The following TBC1D8 variants were observed in gnomAD, a reference collection of about 807,000 sequenced individuals.
TBC1D8 encodes TBC1 domain family member 8, also known as BUB2-like protein 1.
A neutral mutation model predicts 118.8 loss-of-function variants in TBC1D8; 65 were observed. The observed-to-expected ratio is 0.55, with a 90% confidence interval of 0.45 to 0.67. The LOEUF is 0.67. Among genes scored for constraint, TBC1D8 ranks in the 30% least tolerant of loss-of-function variants. The pLI is 0.00. For synonymous variants in TBC1D8, 566 were observed against 595.8 expected (o/e 0.95, Z 0.73); for missense variants, 1,376 against 1,471.2 (o/e 0.94, Z 1.06).
intron 2 of TBC1D8, among the ~76,000 whole-genome samples, chr2:101,087,321 C>T (rs1373325246): frequency 6.6e-6 from 1 of 151,830 alleles, no homozygotes; most frequent in Non-Finnish European, 1.5e-5. Context: ...AAACAGGAGT[C>T]CAGCCAAATA....
chr2:101,079,243 T>C (rs1425615436), intron 2 of TBC1D8, among the ~76,000 whole-genome samples: 1 of 152,216 alleles, frequency 6.6e-6, no homozygotes, highest in Non-Finnish European at 1.5e-5. Flanking sequence ...ACTAGACGCC[T>C]GCTAAGGTCC....
intron 17 of TBC1D8, among the ~76,000 whole-genome samples, chr2:101,021,315 G>A (rs1163074561): frequency 6.6e-6 from 1 of 152,176 alleles, no homozygotes; most frequent in Non-Finnish European, 1.5e-5. Flanking sequence ...ACATGAAATG[G>A]TTCTTCAGAT....
Position 101,075,280 on chromosome 2 carries a change from C to G in TBC1D8, c.283+14929G>C, listed in dbSNP as rs551172344. Among the ~76,000 whole-genome samples the G allele has an allele frequency of 6.7e-4, 102 of 151,904 alleles. No homozygotes were observed. In the Middle Eastern group the frequency reaches 0.01, roughly 15 times the overall value. ...AGGCGTGGTGGCACGCACCTGTAGT[C>G]CTAGCTACTGGGGAGGCTGAGACAC... On this transcript the variant is annotated intron_variant, in intron 2 of 19. Transcript: ENST00000409318.
At chr2:101,085,053 G>A (rs1333368159) in intron 2 of TBC1D8, among the ~76,000 whole-genome samples, 6 of 151,710 alleles carry the variant, frequency 4.0e-5, no homozygotes, top group East Asian at 1.9e-4. Context: ...GGGTTTCACC[G>A]TGTTAGCCAG....
rs548468868 is a variant in TBC1D8, at chr2:101,050,533, G to A, written c.740C>T (p.Ser247Phe). 2 of 1,613,982 alleles carry A rather than the reference G, an allele frequency of 1.2e-6. No individual in the cohort carries two copies. The highest frequency in any genetic ancestry group is 1.7e-5 in the Admixed American group (1 of 60,020). Residue 247 changes from serine (S) to phenylalanine (F), a missense_variant, in exon 5 of 20, where the codon TCC (serine) becomes TTC (phenylalanine). Physicochemically the swap from Ser to Phe is radical, Grantham distance 155. Transcript: ENST00000409318. The part of the protein sequence containing the change: ...ITTQNKERDF[S>F]MFLNLDEVFK... ...CACCTCATCCAGGTTCAGGAACATG[G>A]AGAAGTCACGCTCCTTATTCTGCGT... is the stretch of plus-strand genomic sequence containing the variant.
intron 4 of TBC1D8, 82 bp from the exon 5 acceptor site, chr2:101,050,723 G>A: frequency 6.5e-7 from 1 of 1,543,820 alleles, no homozygotes; most frequent in Non-Finnish European, 8.8e-7. Flanking sequence ...ACTATCCAAA[G>A]CTCTCCTTAG....
intron 17 of TBC1D8, among the ~76,000 whole-genome samples, chr2:101,021,437 G>A (rs1680022959): frequency 6.6e-6 from 1 of 152,140 alleles, no homozygotes; most frequent in Non-Finnish European, 1.5e-5. Context: ...AACCAGGGTG[G>A]GGGCCCAGGA....
In TBC1D8 at chr2:101,029,736, C is replaced by G; in HGVS notation, c.1977G>C (p.Lys659Asn). 1 of 1,613,980 alleles carries G rather than the reference C, an allele frequency of 6.2e-7. No individual in the cohort carries two copies. The highest frequency in any genetic ancestry group is 8.5e-7 in the Non-Finnish European group (1 of 1,179,880). Residue 659 changes from lysine (K) to asparagine (N), a missense_variant, in exon 12 of 20, where the codon AAG becomes AAC. Lys to Asn is a moderately conservative substitution (Grantham distance 94). Coordinates refer to ENST00000409318, the MANE Select transcript of TBC1D8 (RefSeq NM_001330348.2). ...VDQSVFEELIKGHLPELAEHM... is the reference protein window; with the variant it reads ...VDQSVFEELINGHLPELAEHM... Reference sequence around the variant, plus strand: ...GCTCTGCCAGCTCTGGGAGATGACCCTTGATGAGCTCCTCGAAGACAGACT... The same window carrying G: ...GCTCTGCCAGCTCTGGGAGATGACCGTTGATGAGCTCCTCGAAGACAGACT...
rs760009720 is a variant in TBC1D8, at chr2:101,018,993, G to C, written c.2827+2688C>G. The C allele has an allele frequency of 1.2e-6, 2 of 1,611,764 alleles. No individual in the cohort carries two copies. Among genetic ancestry groups the C allele is most frequent in the Non-Finnish European group, 1.7e-6 (2 of 1,179,102 alleles). ...ACCAAATCATCTGTAATATTTCTGT[G>C]CTAGTTTCTGTGCTAAACAGTGTTA... On this transcript the variant is annotated intron_variant, in intron 17 of 19. Transcript: ENST00000409318.
chr2:101,021,998 T>C (rs1038395191), intron 16 of TBC1D8, among the ~76,000 whole-genome samples: 1 of 152,104 alleles, frequency 6.6e-6, no homozygotes, highest in Non-Finnish European at 1.5e-5. Context: ...GGACAAAAGT[T>C]AGGAACATGG....
At chr2:101,015,349 C>G (rs1024705583) in intron 17 of TBC1D8, among the ~76,000 whole-genome samples, 1 of 152,154 alleles carries the variant, frequency 6.6e-6, no homozygotes, top group Non-Finnish European at 1.5e-5. Context: ...ATATGAAGGC[C>G]TAGGACATTA....
intron 2 of TBC1D8, among the ~76,000 whole-genome samples, chr2:101,069,917 CTT>C (rs58885143): frequency 1.6e-3 from 232 of 142,456 alleles, no homozygotes; most frequent in Middle Eastern, 3.6e-3. Flanking sequence ...AGCATGTTTA[CTT>C]TTTTTTTTTT....
At chr2:101,111,786 C>T (rs1050227624) in intron 1 of TBC1D8, among the ~76,000 whole-genome samples, 2 of 152,086 alleles carry the variant, frequency 1.3e-5, no homozygotes, top group East Asian at 3.9e-4. Flanking sequence ...TTCAGTTTTG[C>T]AGGATGAAAA....
chr2:101,115,110 G>A (rs1405966185), intron 1 of TBC1D8, among the ~76,000 whole-genome samples: 2 of 152,206 alleles, frequency 1.3e-5, no homozygotes, highest in Non-Finnish European at 1.5e-5. Context: ...AAGAAAGGGA[G>A]TAAGGATAAA....
At chr2:101,074,914 A>T (rs189986357) in intron 2 of TBC1D8, among the ~76,000 whole-genome samples, 33 of 152,346 alleles carry the variant, frequency 2.2e-4, no homozygotes, top group Non-Finnish European at 2.9e-5. Context: ...GCACCCCTAC[A>T]GCCTAAACTG....
At chr2:101,025,227 TTTTA>T (rs537150106) in intron 15 of TBC1D8, among the ~76,000 whole-genome samples, 93 of 152,138 alleles carry the variant, frequency 6.1e-4, no homozygotes, top group Middle Eastern at 6.8e-3. Context: ...TTTTTTTAAT[TTTTA>T]TTTATTTATT....
chr2:101,119,340 C>T (rs142096824), intron 1 of TBC1D8, among the ~76,000 whole-genome samples: 3 of 143,800 alleles, frequency 2.1e-5, no homozygotes, highest in South Asian at 2.3e-4. Context: ...ACCCTACTTA[C>T]GGATGGCTCC....
chr2:101,078,941 A>G (rs190227426), intron 2 of TBC1D8, among the ~76,000 whole-genome samples: 157 of 152,104 alleles, frequency 1.0e-3, no homozygotes, highest in African/African-American at 3.6e-3. Context: ...AGGCTCTAGC[A>G]TATGTCACAG....
Position 101,027,388 on chromosome 2 carries a change from A to G in TBC1D8, c.2515T>C (p.Phe839Leu), listed in dbSNP as rs1680399280. 2 of 1,613,036 alleles carry G rather than the reference A, an allele frequency of 1.2e-6. No homozygotes were observed. The highest frequency in any genetic ancestry group is 1.7e-6 in the Non-Finnish European group (2 of 1,179,164). ...ATCTTCCCAGAGCTGCGTACCTTGA[A>G]TAAGTCGTAGAGCTCCTCTAGGTCT... ...PEDLEELYDL[F>L]KREHMMSCYW... The change falls in exon 15 of 20, where the codon TTC becomes CTC. Residue 839 changes from phenylalanine (F) to leucine (L), a missense_variant. Coordinates refer to ENST00000409318, the MANE Select transcript of TBC1D8 (RefSeq NM_001330348.2).
Sources: gnomAD v4.1 joint callset for allele counts (sites outside exome capture counted in the v4.1 genomes callset) on GRCh38, gnomAD v4.1.1 for gene constraint, MANE v1.5 for transcripts, NCBI Gene and HGNC (gene_info 2026-07-23, HGNC 2026-07-21) for gene names.